The following EYA2 variants were observed in gnomAD, a reference collection of about 807,000 sequenced individuals.
The protein encoded by EYA2 is protein phosphatase EYA2.
EYA2 carries 31 observed loss-of-function variants against 69.2 expected under a neutral mutation model. That is an observed-to-expected ratio of 0.45 (90% CI 0.34 to 0.60). EYA2 has a LOEUF of 0.60. Among genes scored for constraint, EYA2 ranks in the 20% least tolerant of loss-of-function variants. The probability of loss-of-function intolerance (pLI) is 0.02; values close to 1 mark genes in which losing one functional copy is unlikely to be tolerated. For missense variants in EYA2, 622 were observed against 701.2 expected, an observed-to-expected ratio of 0.89 and a Z score of 1.28; for synonymous variants, 257 against 279.4, an observed-to-expected ratio of 0.92 and a Z score of 0.80.
At chr20:47,180,038 A>ATT in intron 13 of EYA2, 126 bp downstream of exon 13, 12 of 539,308 alleles carry the variant, frequency 2.2e-5, no homozygotes, top group East Asian at 3.6e-5. Context: ...CTTTCCAAAT[A>ATT]TTTTTTTTTT....
intron 1 of EYA2, among the ~76,000 whole-genome samples, chr20:46,930,918 G>T (rs11697670): frequency 0.16 from 24,704 of 152,128 alleles, 2,432 homozygotes; most frequent in East Asian, 0.44. Flanking sequence ...AATGCCTACC[G>T]TAGGGTCTCT....
At position 47,077,037 on chromosome 20, in the gene EYA2, G is replaced by A. The variant is rs147321530; in HGVS notation, c.661+2702G>A. 8.3e-4 allele frequency among the ~76,000 whole-genome samples: 127 copies of A among 152,320 alleles called. 1 individual carries two copies. The highest frequency in any genetic ancestry group is 2.7e-3 in the African/African-American group (113 of 41,568). On this transcript the variant is annotated intron_variant, in intron 7 of 15. Coordinates refer to ENST00000327619, the MANE Select transcript of EYA2 (RefSeq NM_005244.5). ...CAGCAGACTTTGGGCTCATGCCTAC[G>A]GCTGGAGCTAGAGTTGGGGTCAGCC...
chr20:47,014,636 G>A (rs1294293420), intron 4 of EYA2, among the ~76,000 whole-genome samples: 1 of 109,496 alleles, frequency 9.1e-6, no homozygotes, highest in Non-Finnish European at 1.8e-5. Context: ...AAATGTGTGT[G>A]TGTGTGTGTG....
intron 5 of EYA2, among the ~76,000 whole-genome samples, chr20:47,070,059 T>C (rs530717633): frequency 6.6e-6 from 1 of 152,160 alleles, no homozygotes; most frequent in East Asian, 1.9e-4. Context: ...CAACCTACAA[T>C]CTTTTGCTCT....
chr20:46,963,890 A>T (rs1487207553), intron 1 of EYA2, among the ~76,000 whole-genome samples: 1 of 152,210 alleles, frequency 6.6e-6, no homozygotes, highest in Non-Finnish European at 1.5e-5. Context: ...GCATGATGGG[A>T]ACACGGGCTG....
chr20:47,172,342 G>A (rs932035688), intron 11 of EYA2, among the ~76,000 whole-genome samples: 2 of 151,884 alleles, frequency 1.3e-5, no homozygotes, highest in East Asian at 3.9e-4. Context: ...CTCCTCGGAA[G>A]GCTGAGGTAA....
At chr20:46,957,529 T>TCACA (rs74176892) in intron 1 of EYA2, among the ~76,000 whole-genome samples, 56 of 20,006 alleles carry the variant, frequency 2.8e-3, no homozygotes, top group Non-Finnish European at 4.5e-3. Flanking sequence ...GAAGGAGATT[T>TCACA]CACACACACA....
At chr20:47,155,339 C>T (rs985405351) in intron 10 of EYA2, among the ~76,000 whole-genome samples, 1 of 152,034 alleles carries the variant, frequency 6.6e-6, no homozygotes, top group African/African-American at 2.4e-5. Flanking sequence ...AAGCAATGTG[C>T]AAGGGATCTG....
chr20:47,098,116 C>T (rs1393540098), intron 9 of EYA2, among the ~76,000 whole-genome samples: 3 of 152,138 alleles, frequency 2.0e-5, no homozygotes, highest in East Asian at 1.9e-4. Flanking sequence ...ATAGATTTAT[C>T]GTCTGCCATT....
Position 47,001,521 on chromosome 20 carries a change from T to C in EYA2, c.155+48T>C, listed in dbSNP as rs1982371183. 8 of 1,591,358 alleles carry C rather than the reference T, an allele frequency of 5.0e-6. No individual in the cohort carries two copies. In the East Asian group the frequency reaches 1.8e-4, roughly 36 times the overall value. On this transcript the variant is annotated intron_variant, in intron 3 of 15. Transcript: ENST00000327619. ...CTGCTCACATGCCCACCTTTTCTTC[T>C]TTCTTGGAAGGTAGAGGTTAAGAGA...
intron 1 of EYA2, among the ~76,000 whole-genome samples, chr20:46,933,772 G>A (rs528175631): frequency 6.6e-6 from 1 of 152,358 alleles, no homozygotes; most frequent in East Asian, 1.9e-4. Context: ...GTTGGACTGT[G>A]CTTTAGTCTT....
chr20:47,074,176 G>A lies in EYA2; in HGVS notation c.502G>A (p.Gly168Ser), dbSNP rs776388587. Residue 168 changes from glycine to serine, a missense_variant, in exon 7 of 16, where the codon GGC (glycine) becomes AGC (serine). Coordinates refer to ENST00000327619, the MANE Select transcript of EYA2 (RefSeq NM_005244.5). The part of the protein sequence containing the change: ...SVHQDYPSYP[G>S]FPQSQYPQYY... ...TTCCCAGGACTATCCTTCCTACCCCGGCTTCCCCCAGAGCCAGTACCCCCA... is the reference window on the plus strand; with the variant it reads ...TTCCCAGGACTATCCTTCCTACCCCAGCTTCCCCCAGAGCCAGTACCCCCA... 1.9e-5 allele frequency: 31 copies of A among 1,611,484 alleles called. No homozygotes were observed. Among genetic ancestry groups the A allele is most frequent in the Non-Finnish European group, 2.4e-5 (28 of 1,178,432 alleles).
chr20:47,097,113 CAAT>C lies in EYA2; in HGVS notation c.837_839del (p.Ile281del), dbSNP rs1333591872. On this transcript the variant is annotated inframe_deletion, in exon 9 of 16. Transcript: ENST00000327619. ...GTGTTCGTGTGGGACTTGGATGAGA[CAAT>C]AATTATTTTTCACTCCTTACTCACG... 6.2e-7 allele frequency: 1 copy of C among 1,611,454 alleles called. No homozygotes were observed. The highest frequency in any genetic ancestry group is 8.5e-7 in the Non-Finnish European group (1 of 1,179,086).
chr20:47,013,992 G>A (rs1983247357), intron 4 of EYA2, among the ~76,000 whole-genome samples: 1 of 152,172 alleles, frequency 6.6e-6, no homozygotes, highest in Non-Finnish European at 1.5e-5. Context: ...CAGTCCAATG[G>A]ATTGGCAATC....
intron 15 of EYA2, among the ~76,000 whole-genome samples, chr20:47,186,454 T>C (rs1419520307): frequency 6.7e-6 from 1 of 149,894 alleles, no homozygotes; most frequent in Admixed American, 6.7e-5. Flanking sequence ...CTGCCTCCTG[T>C]GTTCAAGTGA....
chr20:47,039,431 G>A (rs1287084991), intron 5 of EYA2, among the ~76,000 whole-genome samples: 1 of 152,184 alleles, frequency 6.6e-6, no homozygotes, highest in Non-Finnish European at 1.5e-5. Context: ...CACAAAGGCA[G>A]AACTGGGTCA....
chr20:47,145,515 G>A (rs1164024654), intron 10 of EYA2, among the ~76,000 whole-genome samples: 1 of 152,158 alleles, frequency 6.6e-6, no homozygotes. Flanking sequence ...CATCTCTGGG[G>A]CAAGCTGATA....
chr20:47,164,977 C>T (rs1380362741), intron 10 of EYA2, among the ~76,000 whole-genome samples: 1 of 152,156 alleles, frequency 6.6e-6, no homozygotes, highest in Non-Finnish European at 1.5e-5. Context: ...GCTCCCTCAC[C>T]CCTCTAGAGC....
At chr20:46,919,755 C>G (rs776021471) in intron 1 of EYA2, among the ~76,000 whole-genome samples, 15 of 152,236 alleles carry the variant, frequency 9.9e-5, no homozygotes, top group Non-Finnish European at 1.9e-4. Flanking sequence ...CACAACTTGG[C>G]TAAACATTTG....
Sources: gnomAD v4.1 joint callset for allele counts (sites outside exome capture counted in the v4.1 genomes callset) on GRCh38, gnomAD v4.1.1 for gene constraint, MANE v1.5 for transcripts, NCBI Gene and HGNC (gene_info 2026-07-23, HGNC 2026-07-21) for gene names.